PRKG1: variants seen among roughly 807,000 people sequenced by gnomAD.
PRKG1 encodes protein kinase cGMP-dependent 1, also known as cGMP-dependent protein kinase 1.
A neutral mutation model predicts 88.1 loss-of-function variants in PRKG1; 35 were observed. That is an observed-to-expected ratio of 0.40 (90% CI 0.30 to 0.53). The LOEUF (loss-of-function observed/expected upper bound fraction) is 0.53. Ranked by LOEUF, PRKG1 falls within the 20% of genes least tolerant of loss-of-function variation. PRKG1 has a pLI of 0.59. For missense variants in PRKG1, 540 were observed against 839.8 expected, an observed-to-expected ratio of 0.64 and a Z score of 4.41; for synonymous variants, 303 against 292.5, an observed-to-expected ratio of 1.04 and a Z score of -0.37.
intron 2 of PRKG1, among the ~76,000 whole-genome samples, chr10:51,383,083 C>A (rs1051895343): frequency 2.0e-5 from 3 of 152,092 alleles, no homozygotes; most frequent in African/African-American, 7.2e-5. Flanking sequence ...ATAAGATCTA[C>A]CCCTGGAGCT....
intron 2 of PRKG1, among the ~76,000 whole-genome samples, chr10:51,410,155 A>G (rs1406219821): frequency 6.6e-6 from 1 of 151,882 alleles, no homozygotes; most frequent in Admixed American, 6.6e-5. Context: ...GAGGGACAGA[A>G]CTAATAGGAT....
intron 4 of PRKG1, among the ~76,000 whole-genome samples, chr10:51,828,326 A>G (rs1221040971): frequency 2.0e-5 from 3 of 152,130 alleles, no homozygotes; most frequent in African/African-American, 7.2e-5. Flanking sequence ...AAAATCAGAG[A>G]CATTTTAACA....
intron 2 of PRKG1, among the ~76,000 whole-genome samples, chr10:51,297,609 T>G (rs1473975199): frequency 6.6e-6 from 1 of 152,108 alleles, no homozygotes; most frequent in Non-Finnish European, 1.5e-5. Flanking sequence ...TCAGGAAGCT[T>G]GTAGGTGACT....
At chr10:51,049,160 A>G (rs1843530616) in intron 1 of PRKG1, among the ~76,000 whole-genome samples, 1 of 152,166 alleles carries the variant, frequency 6.6e-6, no homozygotes, top group African/African-American at 2.4e-5. Context: ...ATGGCTGCTC[A>G]TTTTTAACAG....
At chr10:51,267,844 C>T (rs1020343260) in intron 2 of PRKG1, among the ~76,000 whole-genome samples, 5 of 152,122 alleles carry the variant, frequency 3.3e-5, no homozygotes, top group Admixed American at 6.6e-5. Context: ...AAGAAATAAT[C>T]GTCAGACAAC....
intron 2 of PRKG1, among the ~76,000 whole-genome samples, chr10:51,426,373 G>A (rs1838585349): frequency 6.6e-6 from 1 of 152,172 alleles, no homozygotes. Context: ...CCCAAGCACT[G>A]CATTAGGCAC....
chr10:51,038,126 CA>C (rs1843376637), intron 1 of PRKG1, among the ~76,000 whole-genome samples: 1 of 149,026 alleles, frequency 6.7e-6, no homozygotes, highest in African/African-American at 2.4e-5. Context: ...CAGGCCTTAA[CA>C]AAAATGTGTT....
intron 4 of PRKG1, among the ~76,000 whole-genome samples, chr10:51,849,957 G>C (rs1840502661): frequency 6.6e-6 from 1 of 152,186 alleles, no homozygotes; most frequent in African/African-American, 2.4e-5. Context: ...TTAATAAAAT[G>C]AGTTAGAAAA....
intron 8 of PRKG1, among the ~76,000 whole-genome samples, chr10:52,155,739 A>ACACACACACG (rs1838076670): frequency 2.0e-5 from 3 of 151,364 alleles, no homozygotes; most frequent in Non-Finnish European, 4.4e-5. Flanking sequence ...TTGGACACAC[A>ACACACACACG]CACACACACA....
At chr10:52,174,144 A>G (rs1564502137) in intron 9 of PRKG1, among the ~76,000 whole-genome samples, 1 of 151,928 alleles carries the variant, frequency 6.6e-6, no homozygotes, top group South Asian at 2.1e-4. Flanking sequence ...TCCTTGTAAT[A>G]GGACTCATGG....
intron 3 of PRKG1, among the ~76,000 whole-genome samples, chr10:51,728,412 G>T (rs1002218865): frequency 2.8e-5 from 4 of 143,376 alleles, no homozygotes; most frequent in Non-Finnish European, 6.0e-5. Flanking sequence ...TTAAAAATGT[G>T]CTCTTTACAA....
Position 52,296,042 on chromosome 10 carries a change from G to C in PRKG1, c.*2142G>C, listed in dbSNP as rs1291679751. On this transcript the variant is annotated 3_prime_UTR_variant, in exon 18 of 18. Transcript: ENST00000373980. ...TTTCAAGAGTTTTATATTTTTAATT[G>C]GCTTTTTAAAAATATGTAATTCCAA... 1 of 151,564 alleles carries C rather than the reference G, an allele frequency of 6.6e-6. No individual in the cohort carries two copies. The highest frequency in any genetic ancestry group is 2.4e-5 in the African/African-American group (1 of 41,262). 9.4% of individuals were successfully genotyped at this position (151,564 alleles called of 1,614,324 possible).
At chr10:51,818,863 C>A (rs1366617669) in intron 4 of PRKG1, among the ~76,000 whole-genome samples, 1 of 130,146 alleles carries the variant, frequency 7.7e-6, no homozygotes, top group Non-Finnish European at 1.5e-5. Flanking sequence ...AAAAATTAGC[C>A]GGGCGTAGTG....
At chr10:51,042,456 T>C (rs1023423088) in intron 1 of PRKG1, among the ~76,000 whole-genome samples, 2 of 152,186 alleles carry the variant, frequency 1.3e-5, no homozygotes, top group Non-Finnish European at 2.9e-5. Context: ...TTGGCCAAAC[T>C]GAGCTACTTT....
intron 3 of PRKG1, among the ~76,000 whole-genome samples, chr10:51,624,750 C>A (rs956556139): frequency 6.6e-6 from 1 of 152,202 alleles, no homozygotes; most frequent in Non-Finnish European, 1.5e-5. Flanking sequence ...ATTCTCACAA[C>A]AGACTGTTAT....
chr10:52,242,677 A>C (rs960909120), intron 9 of PRKG1, among the ~76,000 whole-genome samples: 2 of 152,110 alleles, frequency 1.3e-5, no homozygotes, highest in African/African-American at 4.8e-5. Context: ...TGGGTGGATC[A>C]CTTGAGTTCA....
rs888764377 is a variant in PRKG1, at chr10:51,522,247, G to A, written c.592+54411G>A. Among the ~76,000 whole-genome samples, 7 of 152,124 alleles carry A rather than the reference G, an allele frequency of 4.6e-5. 1 individual carries two copies. The highest frequency in any genetic ancestry group is 2.6e-4 in the Admixed American group (4 of 15,268). On this transcript the variant is annotated intron_variant, in intron 3 of 17. Coordinates refer to ENST00000373980, the MANE Select transcript of PRKG1 (RefSeq NM_006258.4). The stretch of plus-strand genomic sequence containing the variant: ...CATGTAGAATATGATCATGTTTTGT[G>A]TTTGACACATTTTCCCAAATTGGGA...
intron 3 of PRKG1, among the ~76,000 whole-genome samples, chr10:51,631,351 T>C (rs935595862): frequency 6.6e-6 from 1 of 152,100 alleles, no homozygotes; most frequent in African/African-American, 2.4e-5. Context: ...GTAAATAAAC[T>C]AATAAACTAA....
chr10:51,921,365 A>C (rs1259148597), intron 5 of PRKG1, among the ~76,000 whole-genome samples: 1 of 152,044 alleles, frequency 6.6e-6, no homozygotes, highest in East Asian at 1.9e-4. Flanking sequence ...GATTGAGGAC[A>C]ATTTTATTTT....
Sources: allele counts gnomAD v4.1 joint callset (sites outside exome capture counted in the v4.1 genomes callset), GRCh38; gene constraint gnomAD v4.1.1; transcripts MANE v1.5; gene names NCBI Gene and HGNC (gene_info 2026-07-23, HGNC 2026-07-21).